TWIST2: variants seen among roughly 807,000 people sequenced by gnomAD.
The protein encoded by TWIST2 is twist-related protein 2.
In TWIST2, 1 loss-of-function variant was observed where a neutral mutation model predicts 11.6. The ratio of observed to expected loss-of-function variants is 0.09; its 90% CI spans 0.03 to 0.41. The LOEUF is 0.41. TWIST2 is among the 10% of genes least tolerant of loss of function. The probability of loss-of-function intolerance (pLI) is 0.98; values close to 1 mark genes in which losing one functional copy is unlikely to be tolerated. For synonymous variants in TWIST2, 87 were observed against 96.6 expected, an observed-to-expected ratio of 0.90 and a Z score of 0.58; for missense variants, 168 against 226.4, an observed-to-expected ratio of 0.74 and a Z score of 1.66.
rs1351469388 is a variant in TWIST2, at chr2:238,867,056, C to T, written c.*35+18323C>T. ...GATTTACAATTCCCTGGCTGCCTTC[C>T]AAGCAGAACGCACCTGGCAGCCTGG... On this transcript the variant is annotated intron_variant, in intron 1 of 1. Transcript: ENST00000612363. The surrounding 1 kb of genome is among the most constrained non-coding windows in gnomAD (Gnocchi z 4.8). Among the ~76,000 whole-genome samples, 1 of 152,150 alleles carries T rather than the reference C, an allele frequency of 6.6e-6. No homozygotes were observed. Among genetic ancestry groups the T allele is most frequent in the Non-Finnish European group, 1.5e-5 (1 of 68,038 alleles).
chr2:238,896,261 G>A (rs1181552220), intron 1 of TWIST2, among the ~76,000 whole-genome samples: 2 of 152,198 alleles, frequency 1.3e-5, no homozygotes, highest in East Asian at 1.9e-4. Context: ...ATCCAAAAGC[G>A]TGCCTGCCGT....
At chr2:238,891,307 T>C (rs939383360) in intron 1 of TWIST2, among the ~76,000 whole-genome samples, 3 of 152,214 alleles carry the variant, frequency 2.0e-5, no homozygotes, top group Admixed American at 1.3e-4. Context: ...GAGCTGTGCT[T>C]GTGAACGGCC....
intron 1 of TWIST2, among the ~76,000 whole-genome samples, chr2:238,871,162 C>CACACA (rs1559274760): frequency 3.7e-4 from 3 of 8,064 alleles, no homozygotes; most frequent in East Asian, 4.5e-3. Flanking sequence ...CACCACACAC[C>CACACA]CCACACACAC....
chr2:238,884,981 A>G (rs961464149), intron 1 of TWIST2, among the ~76,000 whole-genome samples: 1 of 152,182 alleles, frequency 6.6e-6, no homozygotes. Context: ...GCGTCCCCCC[A>G]TGGAAGAGAA....
rs151156099 is a variant in TWIST2 at position 238,892,323 on chromosome 2, G to A, written c.*36-17519G>A. ...GGGGCCCTGGCCTGGGAGCACGTGC[G>A]CTGCACCACGTGTTACCCGTGAGAA... On this transcript the variant is annotated intron_variant, in intron 1 of 1. Coordinates refer to ENST00000612363, the MANE Select transcript of TWIST2 (RefSeq NM_001271893.4). Among the ~76,000 whole-genome samples, 603 of 152,316 alleles carry A rather than the reference G, an allele frequency of 4.0e-3. 2 individuals are homozygous for A. Among genetic ancestry groups the A allele is most frequent in the Non-Finnish European group, 7.2e-3 (489 of 68,016 alleles).
intron 1 of TWIST2, among the ~76,000 whole-genome samples, chr2:238,869,770 G>A (rs1692612777): frequency 6.6e-6 from 1 of 152,114 alleles, no homozygotes; most frequent in South Asian, 2.1e-4. Context: ...CTAGTGAGAT[G>A]CCATCTGTAC....
chr2:238,860,078 G>A (rs1042190662), intron 1 of TWIST2, among the ~76,000 whole-genome samples: 6 of 152,128 alleles, frequency 3.9e-5, no homozygotes, highest in East Asian at 1.9e-4. Context: ...CACACCTCTC[G>A]CCTCCATCAG....
chr2:238,897,654 A>C (rs1237494802), intron 1 of TWIST2, among the ~76,000 whole-genome samples: 1 of 152,056 alleles, frequency 6.6e-6, no homozygotes, highest in Non-Finnish European at 1.5e-5. Context: ...CACACTCTCT[A>C]CCGTGAAAGC....
At chr2:238,859,199 C>T (rs1345485765) in intron 1 of TWIST2, among the ~76,000 whole-genome samples, 4 of 127,486 alleles carry the variant, frequency 3.1e-5, no homozygotes, top group South Asian at 2.8e-4. Context: ...GCAACAAGAG[C>T]GACACTCCGT....
rs530968633 is a variant in TWIST2 at position 238,865,921 on chromosome 2, C to T, written c.*35+17188C>T. ...GTCACTCCACCGTACAGTGCCCCGC[C>T]GGGGTCGGATCGGCCCTTCTTCCTG... On this transcript the variant is annotated intron_variant, in intron 1 of 1. Coordinates refer to ENST00000612363, the MANE Select transcript of TWIST2 (RefSeq NM_001271893.4). 5.3e-5 allele frequency among the ~76,000 whole-genome samples: 8 copies of T among 152,308 alleles called. 1 individual carries two copies. The East Asian group carries it at 7.8e-4, about 15-fold the overall frequency.
Position 238,867,615 on chromosome 2 carries a change from A to G in TWIST2, c.*35+18882A>G, listed in dbSNP as rs1692567232. On this transcript the variant is annotated intron_variant, in intron 1 of 1. Transcript: ENST00000612363. This position sits in a 1 kb window ranked among gnomAD's most constrained non-coding sequence, Gnocchi z 4.8. ...ACAGGCCTGGCACGGAGGAGCTGTC[A>G]GCAAGCAGGCGTCCGAAGATTGAGA... Among the ~76,000 whole-genome samples, 1 of 152,194 alleles carries G rather than the reference A, an allele frequency of 6.6e-6. No homozygotes were observed. Among genetic ancestry groups the G allele is most frequent in the Non-Finnish European group, 1.5e-5 (1 of 68,042 alleles).
chr2:238,850,400 C>T (rs1233665356), intron 1 of TWIST2, among the ~76,000 whole-genome samples: 1 of 152,192 alleles, frequency 6.6e-6, no homozygotes, highest in African/African-American at 2.4e-5. Context: ...TGCTTTACCT[C>T]ATTCATGGTT....
chr2:238,883,229 C>T (rs4129102), intron 1 of TWIST2, among the ~76,000 whole-genome samples: 34 of 151,884 alleles, frequency 2.2e-4, no homozygotes, highest in African/African-American at 7.5e-4. Flanking sequence ...GGGCTGGTGA[C>T]GGTTCCTCCC....
intron 1 of TWIST2, among the ~76,000 whole-genome samples, chr2:238,858,207 C>T (rs927120058): frequency 2.0e-5 from 3 of 152,244 alleles, no homozygotes; most frequent in Non-Finnish European, 2.9e-5. Flanking sequence ...CCTCCCTGGG[C>T]GCATCCACCG....
chr2:238,872,137 C>A (rs1365591832), intron 1 of TWIST2, among the ~76,000 whole-genome samples: 3 of 152,174 alleles, frequency 2.0e-5, no homozygotes, highest in Non-Finnish European at 4.4e-5. Flanking sequence ...CTGGGGGGGT[C>A]CCACAGTGGG....
chr2:238,901,956 G>A (rs1430492068), intron 1 of TWIST2, among the ~76,000 whole-genome samples: 1 of 152,112 alleles, frequency 6.6e-6, no homozygotes, highest in Non-Finnish European at 1.5e-5. Flanking sequence ...TGCATGAACT[G>A]GGGGATGCCA....
intron 1 of TWIST2, among the ~76,000 whole-genome samples, chr2:238,902,205 GGTAT>G (rs1693275719): frequency 6.6e-6 from 1 of 151,660 alleles, no homozygotes; most frequent in Admixed American, 6.6e-5. Flanking sequence ...AGAGATATGG[GGTAT>G]GTGTGATGTG....
intron 1 of TWIST2, among the ~76,000 whole-genome samples, chr2:238,880,789 G>GTTAGTGTTAGTATTTATTAGTA (rs1275098691): frequency 8.2e-6 from 1 of 121,804 alleles, no homozygotes; most frequent in Non-Finnish European, 1.7e-5. Context: ...TAGTATTAGT[G>GTTAGTGTTAGTATTTATTAGTA]TTAGTGTTAG....
At chr2:238,890,830 G>A (rs1420383195) in intron 1 of TWIST2, among the ~76,000 whole-genome samples, 3 of 152,104 alleles carry the variant, frequency 2.0e-5, no homozygotes, top group Non-Finnish European at 4.4e-5. Flanking sequence ...AGGCTCTGAG[G>A]GATCTGTTCT....
Sources: allele counts gnomAD v4.1 joint callset (sites outside exome capture counted in the v4.1 genomes callset), GRCh38; gene constraint gnomAD v4.1.1; non-coding constraint Gnocchi (gnomAD v3.1); transcripts MANE v1.5; gene names NCBI Gene and HGNC (gene_info 2026-07-23, HGNC 2026-07-21).